The following EIF4E3 variants were observed in gnomAD, a reference collection of about 807,000 sequenced individuals.
EIF4E3 encodes the protein eukaryotic translation initiation factor 4E family member 3.
A neutral mutation model predicts 31.7 loss-of-function variants in EIF4E3; 26 were observed. That is an observed-to-expected ratio of 0.82 (90% CI 0.60 to 1.14). The LOEUF is 1.14. Ranked by LOEUF, EIF4E3 falls within the 50% of genes most tolerant of loss-of-function variation. EIF4E3 has a pLI of 0.00. For synonymous variants in EIF4E3, 128 were observed against 107.7 expected, an observed-to-expected ratio of 1.19 and a Z score of -1.17; for missense variants, 304 against 270.9, an observed-to-expected ratio of 1.12 and a Z score of -0.86.
At chr3:71,716,190 T>TA (rs1204838223) in intron 1 of EIF4E3, among the ~76,000 whole-genome samples, 7 of 151,806 alleles carry the variant, frequency 4.6e-5, no homozygotes, top group Non-Finnish European at 8.8e-5. Context: ...AAATGTAATA[T>TA]AAATAACATG....
At chr3:71,694,308 G>A (rs1360078231) in intron 4 of EIF4E3, among the ~76,000 whole-genome samples, 1 of 152,194 alleles carries the variant, frequency 6.6e-6, no homozygotes. Flanking sequence ...ATATGTGGAT[G>A]CTATTAGTAA....
chr3:71,727,730 A>G (rs62246336), upstream of EIF4E3, among the ~76,000 whole-genome samples: 1,221 of 152,372 alleles, frequency 8.0e-3, 7 homozygotes, highest in Admixed American at 0.018. Context: ...ACGAAGTGAC[A>G]CATATCTGTA....
chr3:71,673,948 C>T (rs2048859411), downstream of EIF4E3, among the ~76,000 whole-genome samples: 1 of 146,888 alleles, frequency 6.8e-6, no homozygotes, highest in South Asian at 2.1e-4. Context: ...ATAATATGCA[C>T]ATCATACAGG....
At chr3:71,754,033 G>A (rs1489180916), upstream of EIF4E3, 4 of 1,185,936 alleles carry the variant, frequency 3.4e-6, no homozygotes, top group African/African-American at 6.6e-5. This position sits in a 1 kb window ranked among gnomAD's most constrained non-coding sequence, Gnocchi z 5.8. Flanking sequence ...CGGAGCGCAC[G>A]GCCTGGTGAG....
chr3:71,691,781 T>C (rs1185375888), intron 5 of EIF4E3, among the ~76,000 whole-genome samples: 3 of 152,194 alleles, frequency 2.0e-5, no homozygotes, highest in African/African-American at 2.4e-5. Flanking sequence ...ATCAAGAAAA[T>C]ATTTTTAGAT....
intron 5 of EIF4E3, among the ~76,000 whole-genome samples, chr3:71,691,540 G>A (rs1359550855): frequency 2.0e-5 from 3 of 152,272 alleles, no homozygotes; most frequent in East Asian, 3.9e-4. Flanking sequence ...TTAGAAGTTA[G>A]ACTGGAGGTT....
At chr3:71,738,226 C>G (rs376526720) in intron 1 of EIF4E3, among the ~76,000 whole-genome samples, 5 of 152,160 alleles carry the variant, frequency 3.3e-5, no homozygotes, top group African/African-American at 9.7e-5. Flanking sequence ...AAAGGAGCAG[C>G]CTTGCAAGAC....
the EIF4E3 span, among the ~76,000 whole-genome samples, chr3:71,660,323 G>A: frequency 6.6e-6 from 1 of 151,752 alleles, no homozygotes; most frequent in Non-Finnish European, 1.5e-5. Context: ...TGTATAAAAA[G>A]TGAAGCTGAA....
chr3:71,662,874 C>T, the EIF4E3 span, among the ~76,000 whole-genome samples: 1 of 152,134 alleles, frequency 6.6e-6, no homozygotes, highest in Middle Eastern at 3.2e-3. Flanking sequence ...TGAAAGAAGA[C>T]TTGGGGGCAG....
chr3:71,685,537 T>C (rs1353233836), intron 6 of EIF4E3, among the ~76,000 whole-genome samples: 1 of 152,110 alleles, frequency 6.6e-6, no homozygotes, highest in Non-Finnish European at 1.5e-5. Flanking sequence ...AATTTTTGTA[T>C]TTTTGGTAGA....
upstream of EIF4E3, among the ~76,000 whole-genome samples, chr3:71,725,701 A>G (rs2049629424): frequency 6.6e-6 from 1 of 151,968 alleles, no homozygotes; most frequent in Non-Finnish European, 1.5e-5. The surrounding 1 kb of genome is among the most constrained non-coding windows in gnomAD (Gnocchi z 6.1). Flanking sequence ...CGGGGGTGAG[A>G]GGGACCGGGG....
At chr3:71,747,078 G>A (rs572208954) in intron 1 of EIF4E3, among the ~76,000 whole-genome samples, 1 of 152,274 alleles carries the variant, frequency 6.6e-6, no homozygotes, top group East Asian at 1.9e-4. Context: ...TAGGAATGAC[G>A]ATGTTATGAA....
chr3:71,703,636 C>A (rs1485528733), intron 2 of EIF4E3, among the ~76,000 whole-genome samples: 1 of 152,092 alleles, frequency 6.6e-6, no homozygotes. Flanking sequence ...GATAATCATT[C>A]ATTACCAAGA....
At chr3:71,719,971 G>A (rs530975148) in intron 1 of EIF4E3, among the ~76,000 whole-genome samples, 27 of 151,990 alleles carry the variant, frequency 1.8e-4, no homozygotes, top group African/African-American at 6.5e-4. Context: ...TCATGACTGC[G>A]CCACTGCACT....
At chr3:71,734,413 T>G (rs2049740275) in intron 1 of EIF4E3, among the ~76,000 whole-genome samples, 1 of 152,224 alleles carries the variant, frequency 6.6e-6, no homozygotes, top group Non-Finnish European at 1.5e-5. Flanking sequence ...AAATTTGGGA[T>G]GAGTCCCTAT....
chr3:71,688,826 T>C (rs941990422), intron 6 of EIF4E3, among the ~76,000 whole-genome samples: 2 of 152,198 alleles, frequency 1.3e-5, no homozygotes, highest in African/African-American at 4.8e-5. Context: ...GCAGTGCCAT[T>C]TTTCTGTCTC....
At chr3:71,719,327 T>C (rs1451416374) in intron 1 of EIF4E3, among the ~76,000 whole-genome samples, 1 of 152,224 alleles carries the variant, frequency 6.6e-6, no homozygotes, top group Non-Finnish European at 1.5e-5. Context: ...TGGATTTCTA[T>C]GGCATTTGTT....
chr3:71,697,623 T>G (rs567663813), intron 3 of EIF4E3, among the ~76,000 whole-genome samples: 8 of 149,098 alleles, frequency 5.4e-5, no homozygotes, highest in Admixed American at 2.7e-4. Flanking sequence ...AGTTCAGGGT[T>G]TTTTTTTTTT....
At chr3:71,691,808 C>T (rs1358431690) in intron 5 of EIF4E3, among the ~76,000 whole-genome samples, 1 of 152,184 alleles carries the variant, frequency 6.6e-6, no homozygotes, top group African/African-American at 2.4e-5. Context: ...TCTTTACTTT[C>T]TAATTTACAC....
Sources: allele counts gnomAD v4.1 joint callset (sites outside exome capture counted in the v4.1 genomes callset), GRCh38; gene constraint gnomAD v4.1.1; non-coding constraint Gnocchi (gnomAD v3.1); transcripts MANE v1.5; gene names NCBI Gene and HGNC (gene_info 2026-07-23, HGNC 2026-07-21).